Variants in PDXDC1 observed in about 807,000 individuals in gnomAD.
PDXDC1 encodes pyridoxal dependent decarboxylase domain containing 1, also known as pyridoxal-dependent decarboxylase domain-containing protein 1.
A neutral mutation model predicts 100.1 loss-of-function variants in PDXDC1; 42 were observed. That is an observed-to-expected ratio of 0.42 (90% CI 0.33 to 0.54). The LOEUF is 0.54. PDXDC1 is among the 20% of genes least tolerant of loss of function. PDXDC1 has a pLI of 0.10. For missense variants in PDXDC1, 636 were observed against 979.2 expected, an observed-to-expected ratio of 0.65 and a Z score of 4.68; for synonymous variants, 260 against 371.7, an observed-to-expected ratio of 0.70 and a Z score of 3.46.
chr16:15,135,878 C>G (rs1447114130), intron 16 of PDXDC1: 1 of 1,564,730 alleles, frequency 6.4e-7, no homozygotes, highest in Admixed American at 1.7e-5. Flanking sequence ...AAACACAAAG[C>G]AGTAGTGCCC....
intron 2 of PDXDC1, among the ~76,000 whole-genome samples, chr16:14,998,046 A>C (rs1326673100): frequency 6.6e-6 from 1 of 152,286 alleles, no homozygotes; most frequent in African/African-American, 2.4e-5. Context: ...GTCTATTAAG[A>C]GTTTCATTTA....
intron 16 of PDXDC1, among the ~76,000 whole-genome samples, chr16:15,084,420 T>C (rs915040921): frequency 3.3e-5 from 5 of 151,952 alleles, no homozygotes; most frequent in East Asian, 3.9e-4. Flanking sequence ...CCATACAAAA[T>C]TGGGGGAGGA....
chr16:15,141,756 G>T (rs2048478642), downstream of PDXDC1, among the ~76,000 whole-genome samples: 1 of 152,234 alleles, frequency 6.6e-6, no homozygotes, highest in Non-Finnish European at 1.5e-5. Flanking sequence ...CCCCGCCGTG[G>T]GGTGGGACAG....
intron 16 of PDXDC1, chr16:15,085,798 A>T: frequency 6.6e-7 from 1 of 1,507,560 alleles, no homozygotes; most frequent in Non-Finnish European, 9.0e-7. Context: ...CAGCTATAAA[A>T]AAAGTTATTT....
chr16:15,076,794 A>T, intron 16 of PDXDC1: 1 of 638,134 alleles, frequency 1.6e-6, no homozygotes, highest in Non-Finnish European at 2.8e-6. Flanking sequence ...ATACACAATT[A>T]TGGTGCAAGC....
chr16:15,087,780 C>T (rs2045966035), intron 16 of PDXDC1, among the ~76,000 whole-genome samples: 1 of 152,146 alleles, frequency 6.6e-6, no homozygotes, highest in South Asian at 2.1e-4. Context: ...AAAAAGACTG[C>T]AACAAAACTA....
In PDXDC1 at chr16:15,111,396, T is replaced by C. The variant is rs1257207024; in HGVS notation, c.1400-27483T>C. Reference sequence around the variant, plus strand: ...ACTTGAACCCAGCAGGAAAAAGTTGTGTTGAGCTGAGATTGTGCCATTGCA... The same window carrying C: ...ACTTGAACCCAGCAGGAAAAAGTTGCGTTGAGCTGAGATTGTGCCATTGCA... On this transcript the variant is annotated intron_variant, in intron 16 of 16. Transcript: ENST00000535621. Among the ~76,000 whole-genome samples the C allele has an allele frequency of 1.4e-4, 20 of 143,948 alleles. 2 individuals carry two copies. In the South Asian group the frequency reaches 2.0e-3, roughly 15 times the overall value. 94.4% of individuals were successfully genotyped at this position (143,948 alleles called of 152,430 possible). A position where few individuals can be genotyped will look rare whatever the true frequency, so the allele number is the denominator to read the frequency against.
chr16:15,102,271 T>C (rs2046581500), intron 16 of PDXDC1, among the ~76,000 whole-genome samples: 2 of 151,904 alleles, frequency 1.3e-5, no homozygotes, highest in Non-Finnish European at 2.9e-5. Context: ...GGATTACAGA[T>C]GGGTGTCACC....
chr16:15,070,182 T>C lies in PDXDC1; in HGVS notation c.1399+40126T>C, dbSNP rs1298638256. On this transcript the variant is annotated intron_variant, in intron 16 of 16. Transcript: ENST00000535621. Reference sequence around the variant, plus strand: ...GGAGAGCAACATCGCAGAATGCCTTTGTTCCCGAATCCTGGTTATTAAGGT... The same window carrying C: ...GGAGAGCAACATCGCAGAATGCCTTCGTTCCCGAATCCTGGTTATTAAGGT... The C allele has an allele frequency of 1.9e-6, 3 of 1,609,750 alleles. No individual in the cohort carries two copies. The Admixed American group carries it at 5.0e-5, about 27-fold the overall frequency.
chr16:15,071,162 A>G (rs2045209372), intron 16 of PDXDC1: 1 of 1,610,330 alleles, frequency 6.2e-7, no homozygotes, highest in Non-Finnish European at 8.5e-7. Flanking sequence ...AGCTTCCAAT[A>G]TAATTTCCAG....
chr16:15,065,099 G>C, intron 16 of PDXDC1: 1 of 997,760 alleles, frequency 1.0e-6, no homozygotes, highest in Non-Finnish European at 1.5e-6. Flanking sequence ...CCGGGAGGCG[G>C]AGCTTGCGGT....
At chr16:15,080,345 C>T in intron 16 of PDXDC1, among the ~76,000 whole-genome samples, 1 of 152,308 alleles carries the variant, frequency 6.6e-6, no homozygotes, top group East Asian at 1.9e-4. Context: ...ATTGATAAAA[C>T]TCATATATCA....
intron 16 of PDXDC1, among the ~76,000 whole-genome samples, chr16:15,052,371 C>A (rs1402617549): frequency 7.2e-5 from 11 of 152,182 alleles, no homozygotes; most frequent in Non-Finnish European, 1.6e-4. Flanking sequence ...TAAGCAGGGT[C>A]CGGCCCATGA....
At chr16:15,054,876 T>TGGG (rs1398121804) in intron 16 of PDXDC1, among the ~76,000 whole-genome samples, 1 of 152,202 alleles carries the variant, frequency 6.6e-6, no homozygotes, top group Non-Finnish European at 1.5e-5. Context: ...TGTACAGCTG[T>TGGG]GACAGATGAA....
chr16:15,101,098 T>A (rs533475738), intron 16 of PDXDC1, among the ~76,000 whole-genome samples: 64 of 152,336 alleles, frequency 4.2e-4, no homozygotes, highest in African/African-American at 1.4e-3. Flanking sequence ...TGGGAATAAC[T>A]TTTTGAGCTA....
In PDXDC1 at chr16:15,036,043, G is replaced by A. The variant is rs780838338; in HGVS notation, c.2135G>A (p.Arg712Gln). 8.7e-6 allele frequency: 14 copies of A among 1,613,968 alleles called. No individual in the cohort carries two copies. The highest frequency in any genetic ancestry group is 1.6e-4 in the Middle Eastern group (1 of 6,080). The change falls in exon 23 of 23, where the codon CGA becomes CAA. Residue 712 changes from arginine to glutamine, a missense_variant. Arg to Gln is a conservative substitution (Grantham distance 43, BLOSUM62 1). Around this residue, in one of 4 missense-constraint regions of PDXDC1, gnomAD observed 452 missense variants for 402.9 expected, o/e 1.12. Coordinates refer to ENST00000396410, the MANE Select transcript of PDXDC1 (RefSeq NM_015027.4). ...PGQKPFKRSL[R>Q]GSDALSETSS... Reference sequence around the variant, plus strand: ...CAGAAGCCTTTTAAAAGGTCCCTGCGAGGTTCAGATGCTTTGAGTGAGACC... The same window carrying A: ...CAGAAGCCTTTTAAAAGGTCCCTGCAAGGTTCAGATGCTTTGAGTGAGACC...
intron 16 of PDXDC1, among the ~76,000 whole-genome samples, chr16:15,102,630 C>G (rs1430561271): frequency 6.6e-6 from 1 of 151,004 alleles, no homozygotes; most frequent in East Asian, 2.0e-4. Flanking sequence ...GGAATCATTA[C>G]CCAAGACGGG....
At position 14,975,229 on chromosome 16, in the gene PDXDC1, C is replaced by T. The variant is rs1419303617; in HGVS notation, c.21+9C>T. On this transcript the variant is annotated intron_variant, in intron 1 of 22. Coordinates refer to ENST00000396410, the MANE Select transcript of PDXDC1 (RefSeq NM_015027.4). Reference sequence around the variant, plus strand: ...ACGCGTCCCTGGAGAAGGTCCGTGCCGGGAGGGGGCGATGGGGACGGTGCT... The same window carrying T: ...ACGCGTCCCTGGAGAAGGTCCGTGCTGGGAGGGGGCGATGGGGACGGTGCT... 13 of 1,416,952 alleles carry T rather than the reference C, an allele frequency of 9.2e-6. No individual in the cohort carries two copies. The South Asian group carries it at 1.4e-4, about 16-fold the overall frequency. 87.8% of individuals were successfully genotyped at this position (1,416,952 alleles called of 1,614,324 possible).
At chr16:15,023,498 TAA>T (rs1376685893) in intron 13 of PDXDC1, among the ~76,000 whole-genome samples, 8 of 152,270 alleles carry the variant, frequency 5.3e-5, no homozygotes, top group Non-Finnish European at 1.0e-4. Flanking sequence ...TGGTTTGGTT[TAA>T]ATACAAAAAG....
Sources: allele counts gnomAD v4.1 joint callset (sites outside exome capture counted in the v4.1 genomes callset), GRCh38; gene constraint gnomAD v4.1.1; regional missense constraint gnomAD v4.1.1; transcripts MANE v1.5; gene names NCBI Gene and HGNC (gene_info 2026-07-23, HGNC 2026-07-21).